Variants in SLC26A7 observed in about 807,000 individuals in gnomAD.
SLC26A7 encodes the protein anion exchange transporter.
SLC26A7 carries 59 observed loss-of-function variants against 82.5 expected under a neutral mutation model. The observed-to-expected ratio is 0.72, with a 90% CI of 0.58 to 0.89. The LOEUF is 0.89. SLC26A7 is among the 40% of genes least tolerant of loss of function. The probability of loss-of-function intolerance (pLI) is 0.00; values close to 1 mark genes in which losing one functional copy is unlikely to be tolerated. For synonymous variants in SLC26A7, 271 were observed against 274.3 expected (o/e 0.99, Z 0.12); for missense variants, 820 against 793.0 (o/e 1.03, Z -0.41).
intron 2 of SLC26A7, among the ~76,000 whole-genome samples, chr8:91,286,251 G>T (rs1257885402): frequency 1.3e-5 from 2 of 152,176 alleles, no homozygotes; most frequent in Non-Finnish European, 2.9e-5. Flanking sequence ...CACACTAAGG[G>T]CTTCTCGAAA....
intron 18 of SLC26A7, chr8:91,394,854 C>T: frequency 2.6e-6 from 2 of 770,268 alleles, no homozygotes; most frequent in South Asian, 2.7e-5. Context: ...GAAATTACAC[C>T]ATCTGTAAGT....
chr8:91,340,427 C>A lies in SLC26A7; in HGVS notation c.902C>A (p.Pro301Gln). The change falls in exon 8 of 19, where the codon CCG (proline) becomes CAG (glutamine). Residue 301 changes from proline (P) to glutamine (Q), a missense_variant. Coordinates refer to ENST00000276609, the MANE Select transcript of SLC26A7 (RefSeq NM_052832.4). ...PQGIPSPRAP[P>Q]MNILSAVITE... Reference sequence around the variant, plus strand: ...AGAATTCCCTCACCTAGAGCTCCCCCGATGAACATCCTCTCTGCGGTGATC... The same window carrying A: ...AGAATTCCCTCACCTAGAGCTCCCCAGATGAACATCCTCTCTGCGGTGATC... 6.2e-7 allele frequency: 1 copy of A among 1,613,870 alleles called. No individual in the cohort carries two copies. Among genetic ancestry groups the A allele is most frequent in the Non-Finnish European group, 8.5e-7 (1 of 1,179,868 alleles).
intron 5 of SLC26A7, among the ~76,000 whole-genome samples, chr8:91,324,501 G>A (rs1194476553): frequency 6.6e-6 from 1 of 152,150 alleles, no homozygotes; most frequent in East Asian, 1.9e-4. Context: ...ATAATCTGGG[G>A]GGATTTTACA....
intron 15 of SLC26A7, among the ~76,000 whole-genome samples, chr8:91,388,315 C>G (rs1019032984): frequency 6.6e-6 from 1 of 151,776 alleles, no homozygotes; most frequent in African/African-American, 2.4e-5. Flanking sequence ...GGCGGGATCT[C>G]GGCTCACTGC....
At chr8:91,314,931 T>G (rs1448676) in intron 4 of SLC26A7, among the ~76,000 whole-genome samples, 18,625 of 152,208 alleles carry the variant, frequency 0.12, 1,440 homozygotes, top group Middle Eastern at 0.21. Context: ...CTGGACTCTT[T>G]TGTTTGTAAC....
intron 2 of SLC26A7, among the ~76,000 whole-genome samples, chr8:91,252,398 C>A (rs1469725228): frequency 5.3e-5 from 8 of 151,730 alleles, no homozygotes; most frequent in Non-Finnish European, 4.4e-5. Context: ...TTAAAGATTT[C>A]CTAATTGTTA....
At chr8:91,388,127 A>C (rs1814847532) in intron 15 of SLC26A7, among the ~76,000 whole-genome samples, 2 of 152,138 alleles carry the variant, frequency 1.3e-5, no homozygotes, top group Non-Finnish European at 2.9e-5. Flanking sequence ...TAAATCTGTA[A>C]GCAGGATTTT....
At chr8:91,343,959 A>T (rs1032647368) in intron 9 of SLC26A7, 2 of 749,256 alleles carry the variant, frequency 2.7e-6, no homozygotes, top group South Asian at 1.2e-4. Context: ...AATCAATTTG[A>T]CATCTATTGA....
At position 91,383,651 on chromosome 8, in the gene SLC26A7, T is replaced by C. The variant is rs561042694; in HGVS notation, c.1676-5687T>C. Among the ~76,000 whole-genome samples the C allele has an allele frequency of 8.5e-5, 13 of 152,322 alleles. No homozygotes were observed. The East Asian group carries it at 2.3e-3, about 27-fold the overall frequency. ...ACAAATTTCTCAATTTTTAGAGACA[T>C]CTTCCATTACCACTTTTAGTAGTTT... On this transcript the variant is annotated intron_variant, in intron 15 of 18. Transcript: ENST00000276609.
intron 2 of SLC26A7, among the ~76,000 whole-genome samples, chr8:91,266,466 C>T (rs939075008): frequency 1.3e-5 from 2 of 151,466 alleles, no homozygotes; most frequent in Non-Finnish European, 3.0e-5. Context: ...ATATTTATTC[C>T]TAGGTATTTT....
At chr8:91,395,001 T>C in intron 18 of SLC26A7, 61 bp from the exon 19 acceptor site, 2 of 1,569,528 alleles carry the variant, frequency 1.3e-6, no homozygotes, top group Non-Finnish European at 1.8e-6. Context: ...TTCTTTTACT[T>C]TGGTACCAAT....
At chr8:91,257,639 A>G (rs1810841563) in intron 2 of SLC26A7, among the ~76,000 whole-genome samples, 1 of 151,668 alleles carries the variant, frequency 6.6e-6, no homozygotes, top group East Asian at 1.9e-4. Context: ...AAAAAAACAC[A>G]TTTTTTCCCC....
In SLC26A7 at chr8:91,267,283, G is replaced by A. The variant is rs577773188; in HGVS notation, c.193+17439G>A. 2.0e-4 allele frequency among the ~76,000 whole-genome samples: 31 copies of A among 151,966 alleles called. 1 individual carries two copies. The South Asian group carries it at 4.4e-3, about 21-fold the overall frequency. ...AATGCTAGCCTCATAGAATGAGTTT[G>A]GCAGTATTCTCTCCTCTTCAACTGT... On this transcript the variant is annotated intron_variant, in intron 2 of 18. Transcript: ENST00000276609.
chr8:91,321,884 G>A (rs1275664769), intron 5 of SLC26A7, among the ~76,000 whole-genome samples: 1 of 136,172 alleles, frequency 7.3e-6, no homozygotes, highest in Non-Finnish European at 1.7e-5. Context: ...ATGACCGAGT[G>A]TCTTTGATTT....
intron 3 of SLC26A7, among the ~76,000 whole-genome samples, chr8:91,293,449 C>T (rs1165802103): frequency 6.6e-6 from 1 of 152,176 alleles, no homozygotes; most frequent in Non-Finnish European, 1.5e-5. Flanking sequence ...TCCCACTTCC[C>T]TTGATTGGCC....
At chr8:91,255,799 C>T (rs960265790) in intron 2 of SLC26A7, among the ~76,000 whole-genome samples, 1 of 152,112 alleles carries the variant, frequency 6.6e-6, no homozygotes, top group African/African-American at 2.4e-5. Flanking sequence ...GCATAATGCT[C>T]CCTATAACAT....
In SLC26A7 at chr8:91,343,415, T is replaced by C; in HGVS notation, c.1089T>C (p.Ala363=). ...CATTTTTCTTCTGCATACCAAGTGC[T>C]GCTGCCATGGGAAGGACGGCTGGCC... ...VSSFFFCIPS[A]AAMGRTAGLY... The change falls in exon 9 of 19, where the codon GCT becomes GCC. Residue 363 remains alanine, a synonymous_variant. Transcript: ENST00000276609. 2.5e-6 allele frequency: 4 copies of C among 1,613,166 alleles called. No individual in the cohort carries two copies. Among genetic ancestry groups the C allele is most frequent in the Non-Finnish European group, 3.4e-6 (4 of 1,179,888 alleles).
chr8:91,216,098 A>C (rs536919946), intron 1 of SLC26A7, among the ~76,000 whole-genome samples: 3 of 152,192 alleles, frequency 2.0e-5, no homozygotes, highest in Non-Finnish European at 4.4e-5. Context: ...TTGTATAAGA[A>C]ATAGAAATTA....
chr8:91,276,416 G>A (rs564865647), intron 2 of SLC26A7, among the ~76,000 whole-genome samples: 2 of 152,170 alleles, frequency 1.3e-5, no homozygotes, highest in African/African-American at 4.8e-5. Flanking sequence ...TTGATTTTTA[G>A]TGTGGCGCTA....
Sources: allele counts gnomAD v4.1 joint callset (sites outside exome capture counted in the v4.1 genomes callset), GRCh38; gene constraint gnomAD v4.1.1; transcripts MANE v1.5; gene names NCBI Gene and HGNC (gene_info 2026-07-23, HGNC 2026-07-21).